The following ADRM1 variants were observed in gnomAD, a reference collection of about 807,000 sequenced individuals.
The protein encoded by ADRM1 is ADRM1 26S proteasome ubiquitin receptor, also known as proteasomal ubiquitin receptor ADRM1.
A neutral mutation model predicts 40.1 loss-of-function variants in ADRM1; 2 were observed. That is an observed-to-expected ratio of 0.05 (90% confidence interval 0.02 to 0.16). The LOEUF is 0.16. Among genes scored for constraint, ADRM1 ranks in the 10% least tolerant of loss-of-function variants. The pLI is 1.00. For missense variants in ADRM1, 467 were observed against 552.5 expected (o/e 0.85, Z 1.55); for synonymous variants, 287 against 240.4 (o/e 1.19, Z -1.79).
In ADRM1 at chr20:62,306,599, C is replaced by T. The variant is rs377379115; in HGVS notation, c.455-49C>T. 148 of 1,540,766 alleles carry T rather than the reference C, an allele frequency of 9.6e-5. 1 individual carries two copies. Among genetic ancestry groups the T allele is most frequent in the Middle Eastern group, 9.6e-4 (5 of 5,234 alleles). The stretch of plus-strand genomic sequence containing the variant: ...GAGGCGCAGGCAGTGCGGTGGGGCC[C>T]GCGTGGATCTGGCTGGGGCAGGCCC... On this transcript the variant is annotated intron_variant, in intron 4 of 9. Coordinates refer to ENST00000253003, the MANE Select transcript of ADRM1 (RefSeq NM_007002.4).
chr20:62,303,917 G>A (rs1346474447), intron 2 of ADRM1, 136 bp downstream of exon 2: 1 of 802,810 alleles, frequency 1.2e-6, no homozygotes, highest in Non-Finnish European at 2.0e-6. Flanking sequence ...CCTGCTGATG[G>A]GTCGTCCTGG....
chr20:62,308,155 C>G lies in ADRM1; in HGVS notation c.991C>G (p.Leu331Val). Residue 331 changes from leucine to valine, a missense_variant, in exon 8 of 10, where the codon CTG becomes GTG. Leu to Val is a conservative substitution (Grantham distance 32, BLOSUM62 1). Coordinates refer to ENST00000253003, the MANE Select transcript of ADRM1 (RefSeq NM_007002.4). ...PQTADEIQNTLTSPQFQQALG... is the reference protein window; with the variant it reads ...PQTADEIQNTVTSPQFQQALG... ...GACCGCGGATGAGATCCAGAATACCCTGACCTCGCCCCAGTTCCAGCAGGT... is the reference window on the plus strand; with the variant it reads ...GACCGCGGATGAGATCCAGAATACCGTGACCTCGCCCCAGTTCCAGCAGGT... 2 of 1,606,038 alleles carry G rather than the reference C, an allele frequency of 1.2e-6. No homozygotes were observed. The highest frequency in any genetic ancestry group is 1.7e-6 in the Non-Finnish European group (2 of 1,179,236).
At position 62,303,548 on chromosome 20, in the gene ADRM1, C is replaced by A; in HGVS notation, c.-1-20C>A. ...GGCGACAGTGACCGCCGCGTCTCAGCGTCCTCTCCGCGCTTTCAGGATGAC... is the reference window on the plus strand; with the variant it reads ...GGCGACAGTGACCGCCGCGTCTCAGAGTCCTCTCCGCGCTTTCAGGATGAC... On this transcript the variant is annotated intron_variant, in intron 1 of 9. Coordinates refer to ENST00000253003, the MANE Select transcript of ADRM1 (RefSeq NM_007002.4). 6.4e-7 allele frequency: 1 copy of A among 1,554,490 alleles called. No individual in the cohort carries two copies. The highest frequency in any genetic ancestry group is 8.7e-7 in the Non-Finnish European group (1 of 1,151,518).
At chr20:62,305,887 A>T (rs1213142180) in intron 3 of ADRM1, 1 of 344,850 alleles carries the variant, frequency 2.9e-6, no homozygotes, top group Non-Finnish European at 5.5e-6. Context: ...GGAGGGTGAG[A>T]GGGCTTGGTC....
intron 3 of ADRM1, among the ~76,000 whole-genome samples, chr20:62,305,233 C>T (rs967679869): frequency 6.6e-6 from 1 of 152,150 alleles, no homozygotes; most frequent in African/African-American, 2.4e-5. Context: ...GGTCAGGAAG[C>T]GTGTGCATGC....
At position 62,303,748 on chromosome 20, in the gene ADRM1, C is replaced by T. The variant is rs1401469407; in HGVS notation, c.180C>T (p.Cys60=). 10 of 1,611,876 alleles carry T rather than the reference C, an allele frequency of 6.2e-6. No homozygotes were observed. Among genetic ancestry groups the T allele is most frequent in the African/African-American group, 2.7e-5 (2 of 74,930 alleles). The part of the protein sequence containing the change: ...QQTDDSLIHF[C]WKDRTSGNVE... Reference sequence around the variant, plus strand: ...CGGACGACTCGCTTATTCACTTCTGCTGGAAGGACAGGACGTCCGGGAACG... The same window carrying T: ...CGGACGACTCGCTTATTCACTTCTGTTGGAAGGACAGGACGTCCGGGAACG... Residue 60 remains cysteine, a synonymous_variant, in exon 2 of 10, where the codon TGC becomes TGT. Coordinates refer to ENST00000253003, the MANE Select transcript of ADRM1 (RefSeq NM_007002.4).
In ADRM1 at chr20:62,308,349, C is replaced by T. The variant is rs182655445; in HGVS notation, c.1015-19C>T. The T allele has an allele frequency of 2.3e-4, 369 of 1,583,378 alleles. No homozygotes were observed. The highest frequency in any genetic ancestry group is 1.7e-3 in the African/African-American group (125 of 74,750). On this transcript the variant is annotated intron_variant, in intron 8 of 9. Coordinates refer to ENST00000253003, the MANE Select transcript of ADRM1 (RefSeq NM_007002.4). Reference sequence around the variant, plus strand: ...GCAGCCCGGGTTGGAGCTCAGCCCTCGCCTGGCTCTTCTTGCAGGCCCTGG... The same window carrying T: ...GCAGCCCGGGTTGGAGCTCAGCCCTTGCCTGGCTCTTCTTGCAGGCCCTGG...
chr20:62,306,396 A>C (rs1428754966), intron 4 of ADRM1, 76 bp downstream of exon 4: 4 of 1,606,390 alleles, frequency 2.5e-6, no homozygotes, highest in African/African-American at 2.7e-5. Flanking sequence ...TCGCCCCCTC[A>C]GCACAGGTTG....
rs1260309660 is a variant in ADRM1 at position 62,306,709 on chromosome 20, CGGACCAGCCGGCCTTGGA to C, written c.521_538del (p.Pro174_Gly179del). ...GCCACAGCCAGCTCATGCAGCTCAT[CGGACCAGCCGGCCTTGGA>C]GGACTGGGTAACGTGCGCCACCCGG... On this transcript the variant is annotated inframe_deletion, in exon 5 of 10. Transcript: ENST00000253003. 2 of 1,608,722 alleles carry C rather than the reference CGGACCAGCCGGCCTTGGA, an allele frequency of 1.2e-6. No individual in the cohort carries two copies.
rs761629591 is a variant in ADRM1 at position 62,307,577 on chromosome 20, G to A, written c.624-19G>A. The A allele has an allele frequency of 1.2e-5, 19 of 1,607,470 alleles. No homozygotes were observed. The highest frequency in any genetic ancestry group is 1.7e-5 in the Admixed American group (1 of 59,862). On this transcript the variant is annotated intron_variant, in intron 6 of 9. Transcript: ENST00000253003. ...CGTGTGGGGCGTGTCCGCTCCAGCG[G>A]TGCCCTCTCTCTTCGCAGCTCCCGG...
Position 62,307,789 on chromosome 20 carries a change from A to C in ADRM1, c.817A>C (p.Thr273Pro), listed in dbSNP as rs747004020. 1.1e-5 allele frequency: 17 copies of C among 1,611,040 alleles called. No individual in the cohort carries two copies. The highest frequency in any genetic ancestry group is 1.4e-5 in the Non-Finnish European group (17 of 1,179,436). Residue 273 changes from threonine (T) to proline (P), a missense_variant, in exon 7 of 10, where the codon ACG becomes CCG. Physicochemically the swap from Thr to Pro is conservative, Grantham distance 38. Around this residue, in one of 3 missense-constraint regions of ADRM1, gnomAD observed 418 missense variants for 474.6 expected, o/e 0.88. Transcript: ENST00000253003. The stretch of plus-strand genomic sequence containing the variant: ...GAGCGACCTCCAGAGCATCCTGGCC[A>C]CGATGAACGTACCAGCCGGGCCAGC... ...QLSDLQSILATMNVPAGPAGG... is the reference protein window; with the variant it reads ...QLSDLQSILAPMNVPAGPAGG...
At chr20:62,303,401 ATCG>A in intron 1 of ADRM1, 164 bp from the exon 2 acceptor site, 2 of 659,798 alleles carry the variant, frequency 3.0e-6, no homozygotes, top group Non-Finnish European at 5.0e-6. Flanking sequence ...GGGCGGTGCG[ATCG>A]TCGTGAGCGG....
intron 7 of ADRM1, 91 bp downstream of exon 7, chr20:62,307,919 G>A (rs1568876323): frequency 8.4e-6 from 13 of 1,544,128 alleles, no homozygotes; most frequent in Middle Eastern, 1.7e-4. Flanking sequence ...CCTAGTGTGC[G>A]CGCCTGGGGT....
chr20:62,308,847 T>G lies in ADRM1; in HGVS notation c.*86T>G, dbSNP rs1000561190. 8.5e-6 allele frequency: 13 copies of G among 1,529,360 alleles called. No individual in the cohort carries two copies. The highest frequency in any genetic ancestry group is 6.9e-5 in the African/African-American group (5 of 72,010). The allele number at this position is 1,529,360 out of a possible 1,614,324, so 94.7% of individuals were successfully genotyped here. On this transcript the variant is annotated 3_prime_UTR_variant, in exon 10 of 10. Transcript: ENST00000253003. Reference sequence around the variant, plus strand: ...ACCCACTGATTATTAATAAAGTCTTTTCTTTTACCTGCCAATGCTTAGTTT... The same window carrying G: ...ACCCACTGATTATTAATAAAGTCTTGTCTTTTACCTGCCAATGCTTAGTTT...
In ADRM1 at chr20:62,307,791, G is replaced by A. The variant is rs776679747; in HGVS notation, c.819G>A (p.Thr273=). Residue 273 remains threonine (T), a synonymous_variant, in exon 7 of 10, where the codon ACG becomes ACA. Coordinates refer to ENST00000253003, the MANE Select transcript of ADRM1 (RefSeq NM_007002.4). ...GCGACCTCCAGAGCATCCTGGCCACGATGAACGTACCAGCCGGGCCAGCAG... is the reference window on the plus strand; with the variant it reads ...GCGACCTCCAGAGCATCCTGGCCACAATGAACGTACCAGCCGGGCCAGCAG... The part of the protein sequence containing the change: ...QLSDLQSILA[T]MNVPAGPAGG... The A allele has an allele frequency of 2.2e-5, 36 of 1,610,634 alleles. No individual in the cohort carries two copies. Among genetic ancestry groups the A allele is most frequent in the South Asian group, 6.6e-5 (6 of 90,896 alleles).
rs534151360 is a variant in ADRM1, at chr20:62,307,263, T to A, written c.542-108T>A. On this transcript the variant is annotated intron_variant, in intron 5 of 9. Transcript: ENST00000253003. Reference sequence around the variant, plus strand: ...TGTGGGTCCCCACCGCCCCGCTTCTTCCTGGCTTTGGTGTTGGGAATTCCT... The same window carrying A: ...TGTGGGTCCCCACCGCCCCGCTTCTACCTGGCTTTGGTGTTGGGAATTCCT... 5 of 1,143,368 alleles carry A rather than the reference T, an allele frequency of 4.4e-6. No homozygotes were observed. The East Asian group carries it at 1.3e-4, about 29-fold the overall frequency. The allele number at this position is 1,143,368 out of a possible 1,614,324, so 70.8% of individuals were successfully genotyped here.
At chr20:62,303,207 C>T (rs1475268281) in intron 1 of ADRM1, 158 bp downstream of exon 1, 2 of 165,092 alleles carry the variant, frequency 1.2e-5, no homozygotes, top group African/African-American at 4.8e-5. Flanking sequence ...TCTGGGGTCT[C>T]GGGCGCCGCC....
At chr20:62,304,336 G>T in intron 2 of ADRM1, 125 bp from the exon 3 acceptor site, 1 of 729,002 alleles carries the variant, frequency 1.4e-6, no homozygotes, top group Non-Finnish European at 2.3e-6. Flanking sequence ...CCAGCGAGGG[G>T]TCTGGCGGCT....
At chr20:62,306,049 CG>C in intron 3 of ADRM1, 147 bp from the exon 4 acceptor site, 1 of 1,073,274 alleles carries the variant, frequency 9.3e-7, no homozygotes, top group East Asian at 2.6e-5. Flanking sequence ...CCTGCTGGGC[CG>C]GGTCCTGTCT....
Sources: gnomAD v4.1 joint callset for allele counts (sites outside exome capture counted in the v4.1 genomes callset) on GRCh38, gnomAD v4.1.1 for gene constraint, gnomAD v4.1.1 regional missense constraint, MANE v1.5 for transcripts, NCBI Gene and HGNC (gene_info 2026-07-23, HGNC 2026-07-21) for gene names.